Variants in DDOST observed in about 807,000 individuals in gnomAD.
The protein encoded by DDOST is dolichyl-diphosphooligosaccharide--protein glycosyltransferase 48 kDa subunit.
A neutral mutation model predicts 47.6 loss-of-function variants in DDOST; 25 were observed. That is an observed-to-expected ratio of 0.53 (90% CI 0.38 to 0.73). The LOEUF (loss-of-function observed/expected upper bound fraction) is 0.73. Among genes scored for constraint, DDOST ranks in the 30% least tolerant of loss-of-function variants. The pLI, the probability that DDOST is intolerant of heterozygous loss-of-function variation, is 0.00. For missense variants in DDOST, 526 were observed against 573.9 expected, an observed-to-expected ratio of 0.92 and a Z score of 0.85; for synonymous variants, 275 against 236.0, an observed-to-expected ratio of 1.17 and a Z score of -1.51.
At chr1:20,660,802 T>A (rs1448710686) in intron 2 of DDOST, 79 bp downstream of exon 2, 2 of 834,164 alleles carry the variant, frequency 2.4e-6, no homozygotes, top group Non-Finnish European at 4.0e-6. Flanking sequence ...ACCCAGGACA[T>A]GCCCAAGAAC....
intron 2 of DDOST, among the ~76,000 whole-genome samples, chr1:20,658,061 A>C (rs640742): frequency 0.39 from 58,614 of 152,164 alleles, 11,323 homozygotes; most frequent in Middle Eastern, 0.45. Flanking sequence ...TGAAACGTCA[A>C]GAATGCACCT....
At position 20,654,758 on chromosome 1, in the gene DDOST, G is replaced by A. The variant is rs376040577; in HGVS notation, c.552-51C>T. 80 of 1,269,236 alleles carry A rather than the reference G, an allele frequency of 6.3e-5. No homozygotes were observed. In the African/African-American group the frequency reaches 9.9e-4, roughly 16 times the overall value. 78.6% of individuals were successfully genotyped at this position (1,269,236 alleles called of 1,614,324 possible). Reference sequence around the variant, plus strand: ...CACTGGCCCCAGGAACTGAGCCCAAGGACATGGGATCCCCGAGAGCCAGTT... The same window carrying A: ...CACTGGCCCCAGGAACTGAGCCCAAAGACATGGGATCCCCGAGAGCCAGTT... On this transcript the variant is annotated intron_variant, in intron 5 of 10. Coordinates refer to ENST00000602624, the MANE Select transcript of DDOST (RefSeq NM_005216.5).
chr1:20,655,595 C>T lies in DDOST; in HGVS notation c.457-61G>A, dbSNP rs189359933. ...AAAGGTTCCCCAAGCCAGGGAGAACCTCCTCACACCCTCTTGGCTTTTGGC... is the reference window on the plus strand; with the variant it reads ...AAAGGTTCCCCAAGCCAGGGAGAACTTCCTCACACCCTCTTGGCTTTTGGC... On this transcript the variant is annotated intron_variant, in intron 4 of 10. Transcript: ENST00000602624. 1.9e-6 allele frequency: 3 copies of T among 1,592,424 alleles called. No homozygotes were observed. The East Asian group carries it at 6.7e-5, about 36-fold the overall frequency.
rs1481776235 is a variant in DDOST, at chr1:20,653,789, CAG to C, written c.795-17_795-16del. The C allele has an allele frequency of 1.2e-6, 2 of 1,608,420 alleles. No homozygotes were observed. Among genetic ancestry groups the C allele is most frequent in the East Asian group, 2.2e-5 (1 of 44,770 alleles). ...TCTGGGAATACCTGCAGGAGGGAAA[CAG>C]GAGCAGCTTGGGCACCAGAGCCACC... is the stretch of plus-strand genomic sequence containing the variant. On this transcript the variant is annotated splice_polypyrimidine_tract_variant and intron_variant, in intron 7 of 10. Transcript: ENST00000602624.
intron 2 of DDOST, among the ~76,000 whole-genome samples, chr1:20,660,028 A>G (rs925759813): frequency 2.6e-5 from 4 of 152,372 alleles, no homozygotes; most frequent in Admixed American, 6.5e-5. Flanking sequence ...TAAGAAAAAG[A>G]TAAACTGAAG....
In DDOST at chr1:20,652,503, G is replaced by A. The variant is rs530990753; in HGVS notation, c.1196C>T (p.Thr399Met). The A allele has an allele frequency of 2.4e-5, 38 of 1,613,994 alleles. No homozygotes were observed. In the East Asian group the frequency reaches 4.7e-4, roughly 20 times the overall value. Residue 399 changes from threonine to methionine, a missense_variant, in exon 11 of 11, where the codon ACG (threonine) becomes ATG (methionine). Thr to Met is a moderately conservative substitution (Grantham distance 81). Coordinates refer to ENST00000602624, the MANE Select transcript of DDOST (RefSeq NM_005216.5). ...TQVSVRPLQHTQYERFIPSAY... is the reference protein window; with the variant it reads ...TQVSVRPLQHMQYERFIPSAY... ...CGAGGGGATGAAGCGCTCATACTGC[G>A]TGTGCTGGAGTGGCCGCACGGATAC...
In DDOST at chr1:20,661,188, C is replaced by G. The variant is rs756575337; in HGVS notation, c.154+9G>C. 6.2e-7 allele frequency: 1 copy of G among 1,613,012 alleles called. No individual in the cohort carries two copies. On this transcript the variant is annotated intron_variant, in intron 1 of 10. Transcript: ENST00000602624. Reference sequence around the variant, plus strand: ...CCCCACACGCTACCCCCTCGGACCCCGCTCTCACCCTTCAGGCTCCGGAAG... The same window carrying G: ...CCCCACACGCTACCCCCTCGGACCCGGCTCTCACCCTTCAGGCTCCGGAAG...
At chr1:20,654,455 C>T (rs377417527) in intron 6 of DDOST, 84 bp from the exon 7 acceptor site, 18 of 1,478,496 alleles carry the variant, frequency 1.2e-5, no homozygotes, top group East Asian at 9.9e-5. Context: ...GACAGCAGGC[C>T]AGACCAAAAC....
At position 20,652,658 on chromosome 1, in the gene DDOST, T is replaced by C. The variant is rs2053308594; in HGVS notation, c.1133A>G (p.Asn378Ser). The change falls in exon 10 of 11, where the codon AAC (asparagine) becomes AGC (serine). Residue 378 changes from asparagine (N) to serine (S), a missense_variant. Asn to Ser is a conservative substitution (Grantham distance 46). Coordinates refer to ENST00000602624, the MANE Select transcript of DDOST (RefSeq NM_005216.5). ...GTACAGGTGTGTGTAGCCTAGCCGGTTGTAATCCACTTTAAACTGGAATAC... is the reference window on the plus strand; with the variant it reads ...GTACAGGTGTGTGTAGCCTAGCCGGCTGTAATCCACTTTAAACTGGAATAC... ...YGVFQFKVDY[N>S]RLGYTHLYSS... The C allele has an allele frequency of 1.9e-6, 3 of 1,614,080 alleles. No homozygotes were observed. The highest frequency in any genetic ancestry group is 2.7e-5 in the African/African-American group (2 of 74,918).
At chr1:20,659,612 T>G (rs192366744) in intron 2 of DDOST, among the ~76,000 whole-genome samples, 7 of 152,320 alleles carry the variant, frequency 4.6e-5, no homozygotes, top group African/African-American at 1.7e-4. Flanking sequence ...AGATTTCAAC[T>G]TCTACCAATT....
At position 20,653,049 on chromosome 1, in the gene DDOST, A is replaced by T; in HGVS notation, c.943-78T>A. ...CCACCTGCAGGCAGAGCTGCACTTA[A>T]TTCCCACCCGACGAACATGGCAGGA... is the stretch of plus-strand genomic sequence containing the variant. On this transcript the variant is annotated intron_variant, in intron 8 of 10. Transcript: ENST00000602624. The T allele has an allele frequency of 2.5e-6, 4 of 1,579,670 alleles. No homozygotes were observed. The South Asian group carries it at 4.5e-5, about 18-fold the overall frequency.
intron 2 of DDOST, among the ~76,000 whole-genome samples, chr1:20,658,695 G>A (rs1253517846): frequency 4.6e-5 from 7 of 152,182 alleles, no homozygotes; most frequent in Non-Finnish European, 1.0e-4. Context: ...CCTTCGGCAG[G>A]CAGCAGCATC....
intron 8 of DDOST, among the ~76,000 whole-genome samples, chr1:20,653,413 TACAC>T (rs2154534206): frequency 6.6e-6 from 1 of 152,206 alleles, no homozygotes; most frequent in African/African-American, 2.4e-5. Context: ...CCATAGCAAA[TACAC>T]ACACCTCTTC....
Position 20,657,952 on chromosome 1 carries a change from A to G in DDOST, c.266-1765T>C, listed in dbSNP as rs894524261. Among the ~76,000 whole-genome samples, 31 of 149,740 alleles carry G rather than the reference A, an allele frequency of 2.1e-4. No individual in the cohort carries two copies. In the South Asian group the frequency reaches 5.6e-3, roughly 27 times the overall value. ...TCTGGAGACATTTCTTCGCCGTCAC[A>G]TAACAGGGAAGTGGCCACTGGCATT... is the stretch of plus-strand genomic sequence containing the variant. On this transcript the variant is annotated intron_variant, in intron 2 of 10. Transcript: ENST00000602624.
At chr1:20,659,614 C>T (rs1289357189) in intron 2 of DDOST, among the ~76,000 whole-genome samples, 1 of 152,238 alleles carries the variant, frequency 6.6e-6, no homozygotes, top group Non-Finnish European at 1.5e-5. Context: ...ATTTCAACTT[C>T]TACCAATTTG....
In DDOST at chr1:20,652,296, A is replaced by AAAC. The variant is rs1313739621; in HGVS notation, c.*80_*82dup. On this transcript the variant is annotated 3_prime_UTR_variant, in exon 11 of 11. Transcript: ENST00000602624. Reference sequence around the variant, plus strand: ...AGTTGTGCCATTTTCCCACGGCTTTAAACAAAGCAAAACAAAACCACCAAT... The same window carrying AAAC: ...AGTTGTGCCATTTTCCCACGGCTTTAAACAACAAAGCAAAACAAAACCACCAAT... The AAAC allele has an allele frequency of 7.2e-7, 1 of 1,395,030 alleles. No individual in the cohort carries two copies. The highest frequency in any genetic ancestry group is 9.5e-7 in the Non-Finnish European group (1 of 1,053,996). 86.4% of individuals were successfully genotyped at this position (1,395,030 alleles called of 1,614,324 possible). A position where few individuals can be genotyped will look rare whatever the true frequency, so the allele number is the denominator to read the frequency against.
intron 3 of DDOST, 91 bp downstream of exon 3, chr1:20,656,010 C>T (rs564194514): frequency 8.8e-7 from 1 of 1,134,394 alleles, no homozygotes; most frequent in East Asian, 2.3e-5. Flanking sequence ...AAGGCCCACC[C>T]AGTGAATGCT....
Position 20,655,760 on chromosome 1 carries a change from C to G in DDOST, c.372G>C (p.Leu124=). 1 of 1,614,074 alleles carries G rather than the reference C, an allele frequency of 6.2e-7. No homozygotes were observed. Among genetic ancestry groups the G allele is most frequent in the Non-Finnish European group, 8.5e-7 (1 of 1,180,010 alleles). Residue 124 remains leucine (L), a synonymous_variant, in exon 4 of 11, where the codon CTG becomes CTC. Transcript: ENST00000602624. ...CAAACTCAATCCCGCACTCACTGCC[C>G]AGCTCTCGAAGAGGGTCACCTGCAC... The part of the protein sequence containing the change: ...SSDIGDPLRE[L]GSECGIEFDE...
At chr1:20,658,756 C>T (rs762608012) in intron 2 of DDOST, among the ~76,000 whole-genome samples, 47 of 152,070 alleles carry the variant, frequency 3.1e-4, no homozygotes, top group African/African-American at 4.1e-4. Context: ...TTACCTTCTA[C>T]GTACATCAAG....
Sources: allele counts gnomAD v4.1 joint callset (sites outside exome capture counted in the v4.1 genomes callset), GRCh38; gene constraint gnomAD v4.1.1; transcripts MANE v1.5; gene names NCBI Gene and HGNC (gene_info 2026-07-23, HGNC 2026-07-21).